Variants in NEK11 observed in about 807,000 individuals in gnomAD.
NEK11 encodes serine/threonine-protein kinase Nek11.
A neutral mutation model predicts 80.7 loss-of-function variants in NEK11; 72 were observed. The ratio of observed to expected loss-of-function variants is 0.89; its 90% CI spans 0.74 to 1.08. NEK11 has a LOEUF of 1.08. Ranked by LOEUF, NEK11 falls within the 50% of genes least tolerant of loss-of-function variation. The pLI is 0.00. For synonymous variants in NEK11, 251 were observed against 260.7 expected (o/e 0.96, Z 0.36); for missense variants, 764 against 763.6 (o/e 1.00, Z -0.01).
chr3:131,278,288 G>A (rs2096335031), intron 17 of NEK11, among the ~76,000 whole-genome samples: 1 of 152,194 alleles, frequency 6.6e-6, no homozygotes, highest in Non-Finnish European at 1.5e-5. Flanking sequence ...TTATTAGGTG[G>A]TACTGCTCAA....
At chr3:131,323,135 GACAA>G (rs545425372) in intron 17 of NEK11, among the ~76,000 whole-genome samples, 60 of 152,228 alleles carry the variant, frequency 3.9e-4, no homozygotes, top group Admixed American at 2.7e-3. Flanking sequence ...AAGTAGCTAG[GACAA>G]ACAAACAAAC....
At chr3:131,056,072 A>G (rs1407503132) in intron 3 of NEK11, among the ~76,000 whole-genome samples, 3 of 152,142 alleles carry the variant, frequency 2.0e-5, no homozygotes, top group Non-Finnish European at 4.4e-5. Context: ...TAAGGCATGA[A>G]TGAGGGTGGG....
intron 14 of NEK11, among the ~76,000 whole-genome samples, chr3:131,217,253 C>T (rs2107609130): frequency 6.6e-6 from 1 of 152,222 alleles, no homozygotes. Flanking sequence ...AATGCCTTTT[C>T]CCAAACAGCA....
At chr3:131,277,607 G>A (rs2096316808) in intron 17 of NEK11, among the ~76,000 whole-genome samples, 1 of 152,232 alleles carries the variant, frequency 6.6e-6, no homozygotes, top group African/African-American at 2.4e-5. Context: ...TGGTGATCAT[G>A]CTGCCATCCT....
chr3:131,203,907 C>T (rs1044283156), intron 14 of NEK11, among the ~76,000 whole-genome samples: 1 of 150,284 alleles, frequency 6.7e-6, no homozygotes, highest in Admixed American at 6.7e-5. Context: ...CTGACCTTCC[C>T]CTGCCCTCCT....
At chr3:131,179,468 T>C (rs1211334940) in intron 14 of NEK11, among the ~76,000 whole-genome samples, 1 of 152,202 alleles carries the variant, frequency 6.6e-6, no homozygotes, top group Non-Finnish European at 1.5e-5. Flanking sequence ...TCTGTATGCA[T>C]GTGAGGAGTT....
chr3:131,035,739 T>G (rs1056673516), intron 3 of NEK11, among the ~76,000 whole-genome samples: 1 of 152,194 alleles, frequency 6.6e-6, no homozygotes, highest in Admixed American at 6.5e-5. Flanking sequence ...GGAGAAGCTG[T>G]ATATCTAATG....
chr3:131,325,448 G>C (rs1219291064), intron 17 of NEK11: 2 of 152,072 alleles, frequency 1.3e-5, no homozygotes, highest in African/African-American at 4.8e-5. Context: ...TCTGCGGGTG[G>C]GAAGGGAGTA....
chr3:131,177,396 A>G (rs1192384007), intron 14 of NEK11, among the ~76,000 whole-genome samples: 1 of 152,202 alleles, frequency 6.6e-6, no homozygotes. Flanking sequence ...GATATAACAC[A>G]TATGTTAACA....
At chr3:131,324,086 C>T (rs1230071147) in intron 17 of NEK11, among the ~76,000 whole-genome samples, 1 of 152,216 alleles carries the variant, frequency 6.6e-6, no homozygotes, top group African/African-American at 2.4e-5. Flanking sequence ...AAGACTACTG[C>T]AGCAGGGGAG....
At chr3:131,245,271 A>G (rs938356898) in intron 16 of NEK11, among the ~76,000 whole-genome samples, 2 of 149,494 alleles carry the variant, frequency 1.3e-5, no homozygotes, top group Non-Finnish European at 2.9e-5. Flanking sequence ...TCATGATTTT[A>G]TTCTTTTTTT....
At chr3:131,199,374 AAT>A (rs2094145144) in intron 14 of NEK11, among the ~76,000 whole-genome samples, 4 of 152,150 alleles carry the variant, frequency 2.6e-5, no homozygotes, top group Admixed American at 2.6e-4. Context: ...ATAAAACTAT[AAT>A]ATATCACAGT....
chr3:131,148,776 G>A (rs77667153), intron 7 of NEK11, among the ~76,000 whole-genome samples: 1,739 of 151,442 alleles, frequency 0.011, 42 homozygotes, highest in African/African-American at 0.039. Context: ...ATGTCACAAG[G>A]GCTTGGTGTA....
At chr3:131,043,227 G>T (rs548326012) in intron 3 of NEK11, among the ~76,000 whole-genome samples, 1 of 152,148 alleles carries the variant, frequency 6.6e-6, no homozygotes, top group African/African-American at 2.4e-5. Flanking sequence ...ACAACTCCTC[G>T]CCAGCAAGAG....
chr3:131,347,471 G>A (rs2097380776), intron 17 of NEK11, among the ~76,000 whole-genome samples: 1 of 152,060 alleles, frequency 6.6e-6, no homozygotes, highest in African/African-American at 2.4e-5. Flanking sequence ...CTCTTTATCG[G>A]CCACAATACG....
intron 16 of NEK11, among the ~76,000 whole-genome samples, chr3:131,269,848 C>T (rs565176658): frequency 1.7e-4 from 26 of 152,338 alleles, no homozygotes; most frequent in African/African-American, 6.0e-4. Flanking sequence ...GGAGCCCACA[C>T]ATGGGGTTTC....
Position 131,184,424 on chromosome 3 carries a change from C to G in NEK11, c.1399+13537C>G, listed in dbSNP as rs539709407. Among the ~76,000 whole-genome samples, 7 of 152,236 alleles carry G rather than the reference C, an allele frequency of 4.6e-5. No homozygotes were observed. In the East Asian group the frequency reaches 1.4e-3, roughly 29 times the overall value. On this transcript the variant is annotated intron_variant, in intron 14 of 17. Transcript: ENST00000383366. ...AAAGGACTGAGCTAGACTCTAAACC[C>G]AAAAGAGTATGGACCATGTCCGTCT...
intron 5 of NEK11, among the ~76,000 whole-genome samples, chr3:131,131,422 G>T (rs1244065355): frequency 6.6e-6 from 1 of 152,092 alleles, no homozygotes; most frequent in Non-Finnish European, 1.5e-5. Context: ...CTATTTGATT[G>T]TCTACTTCTT....
chr3:131,267,873 A>G (rs191633749), intron 16 of NEK11, among the ~76,000 whole-genome samples: 1 of 152,252 alleles, frequency 6.6e-6, no homozygotes, highest in East Asian at 1.9e-4. Flanking sequence ...GTGTTTTCCA[A>G]CTTGGTTCCA....
Sources: gnomAD v4.1 joint callset for allele counts (sites outside exome capture counted in the v4.1 genomes callset) on GRCh38, gnomAD v4.1.1 for gene constraint, MANE v1.5 for transcripts, NCBI Gene and HGNC (gene_info 2026-07-23, HGNC 2026-07-21) for gene names.